NRXN1: variants seen among roughly 807,000 people sequenced by gnomAD.
The protein encoded by NRXN1 is neurexin-1.
Under a neutral mutation model 150.9 loss-of-function variants are expected in NRXN1, and 39 were observed. The observed-to-expected ratio is 0.26, with a 90% CI of 0.20 to 0.34. The LOEUF (loss-of-function observed/expected upper bound fraction) is 0.34. NRXN1 is among the 10% of genes least tolerant of loss of function. The pLI is 1.00. For synonymous variants in NRXN1, 924 were observed against 757.0 expected (o/e 1.22, Z -3.62); for missense variants, 1,815 against 1,949.9 (o/e 0.93, Z 1.30).
At chr2:50,490,764 C>T (rs975876622) in intron 15 of NRXN1, among the ~76,000 whole-genome samples, 6 of 151,952 alleles carry the variant, frequency 3.9e-5, no homozygotes, top group African/African-American at 9.7e-5. Flanking sequence ...CATGTGTATC[C>T]GAGGGAAAAA....
At chr2:50,698,364 G>A (rs932362259) in intron 5 of NRXN1, among the ~76,000 whole-genome samples, 2 of 152,206 alleles carry the variant, frequency 1.3e-5, no homozygotes, top group Non-Finnish European at 1.5e-5. Flanking sequence ...AAGATTGCCT[G>A]CAGAAGTAGT....
chr2:50,787,819 T>A (rs1174783651), intron 5 of NRXN1, among the ~76,000 whole-genome samples: 1 of 152,064 alleles, frequency 6.6e-6, no homozygotes, highest in Non-Finnish European at 1.5e-5. Flanking sequence ...AGGTAAGGAC[T>A]GCTTTTGGCA....
At chr2:50,904,975 G>A (rs1429026628) in intron 5 of NRXN1, among the ~76,000 whole-genome samples, 2 of 151,976 alleles carry the variant, frequency 1.3e-5, no homozygotes, top group Non-Finnish European at 2.9e-5. Context: ...CTACTCCAAT[G>A]TCTTCATTCA....
At chr2:50,125,588 C>A (rs924490124) in intron 18 of NRXN1, among the ~76,000 whole-genome samples, 1 of 151,992 alleles carries the variant, frequency 6.6e-6, no homozygotes, top group African/African-American at 2.4e-5. Context: ...AGATAAATCA[C>A]GTTTCCTTCC....
intron 2 of NRXN1, among the ~76,000 whole-genome samples, chr2:50,937,639 A>G (rs1296218637): frequency 6.6e-6 from 1 of 152,094 alleles, no homozygotes; most frequent in Non-Finnish European, 1.5e-5. Context: ...TTGTTTATGA[A>G]GTAGATGATG....
intron 5 of NRXN1, among the ~76,000 whole-genome samples, chr2:50,639,202 T>TTTTATTTC (rs1553916393): frequency 7.8e-6 from 1 of 127,930 alleles, no homozygotes; most frequent in East Asian, 2.4e-4. Flanking sequence ...TTTATCATTT[T>TTTTATTTC]TTTCTTTCTT....
intron 17 of NRXN1, among the ~76,000 whole-genome samples, chr2:50,457,814 TA>T (rs2087729247): frequency 6.6e-6 from 1 of 151,938 alleles, no homozygotes; most frequent in Non-Finnish European, 1.5e-5. Context: ...ATGGCTATTA[TA>T]AAAAAGACAT....
At chr2:50,115,924 T>C (rs142733565) in intron 18 of NRXN1, among the ~76,000 whole-genome samples, 101 of 152,258 alleles carry the variant, frequency 6.6e-4, no homozygotes, top group African/African-American at 2.2e-3. Context: ...TAATTTTTCA[T>C]AGGATCAGTC....
At chr2:50,368,503 A>G (rs544197408) in intron 17 of NRXN1, among the ~76,000 whole-genome samples, 4 of 152,102 alleles carry the variant, frequency 2.6e-5, no homozygotes, top group Non-Finnish European at 5.9e-5. Flanking sequence ...TAGTATCCAG[A>G]TCATGAGAGT....
At chr2:50,041,404 C>T (rs985237493) in intron 21 of NRXN1, among the ~76,000 whole-genome samples, 8 of 152,134 alleles carry the variant, frequency 5.3e-5, no homozygotes, top group East Asian at 1.9e-4. Flanking sequence ...TAAATATCAA[C>T]CTTATGCACA....
At chr2:50,378,387 T>A (rs537419491) in intron 17 of NRXN1, among the ~76,000 whole-genome samples, 1 of 152,186 alleles carries the variant, frequency 6.6e-6, no homozygotes, top group Non-Finnish European at 1.5e-5. Context: ...ACTTGATCTA[T>A]GGAACACAAT....
At chr2:49,948,944 C>A (rs1284193038) in intron 21 of NRXN1, among the ~76,000 whole-genome samples, 1 of 151,946 alleles carries the variant, frequency 6.6e-6, no homozygotes, top group Non-Finnish European at 1.5e-5. Flanking sequence ...CTATGCTGAT[C>A]TTCCTTAATT....
intron 5 of NRXN1, among the ~76,000 whole-genome samples, chr2:50,727,022 A>G (rs1402062601): frequency 1.3e-5 from 2 of 152,124 alleles, no homozygotes; most frequent in African/African-American, 4.8e-5. Context: ...TATTCTAAGT[A>G]TTTTAAAATG....
At chr2:50,699,092 C>T (rs1025338773) in intron 5 of NRXN1, among the ~76,000 whole-genome samples, 5 of 152,186 alleles carry the variant, frequency 3.3e-5, no homozygotes, top group Non-Finnish European at 7.3e-5. Flanking sequence ...ATGGTGCAGC[C>T]TGTATGTACC....
At chr2:50,356,887 G>A (rs865908855) in intron 17 of NRXN1, among the ~76,000 whole-genome samples, 1 of 151,944 alleles carries the variant, frequency 6.6e-6, no homozygotes, top group Non-Finnish European at 1.5e-5. Context: ...CCTTCAGATT[G>A]CTTTAGGCAC....
intron 17 of NRXN1, among the ~76,000 whole-genome samples, chr2:50,333,251 GC>G (rs1239336458): frequency 3.9e-5 from 6 of 152,294 alleles, no homozygotes; most frequent in Non-Finnish European, 7.3e-5. Flanking sequence ...TCCCAGCTCT[GC>G]CAGTTACAAA....
intron 18 of NRXN1, among the ~76,000 whole-genome samples, chr2:50,166,238 C>G (rs919549236): frequency 6.6e-6 from 1 of 150,616 alleles, no homozygotes; most frequent in African/African-American, 2.4e-5. Context: ...AAATCTGAAA[C>G]ATTTCTGGTC....
intron 5 of NRXN1, among the ~76,000 whole-genome samples, chr2:50,722,614 A>T (rs1696817431): frequency 6.6e-6 from 1 of 152,180 alleles, no homozygotes; most frequent in Admixed American, 6.5e-5. Flanking sequence ...TGGTTATATT[A>T]ATATAAAAAG....
At chr2:50,666,964 G>A (rs1196531583) in intron 5 of NRXN1, among the ~76,000 whole-genome samples, 2 of 151,618 alleles carry the variant, frequency 1.3e-5, no homozygotes, top group South Asian at 2.1e-4. Context: ...CACGCATGGC[G>A]TGGTGAGAGT....
Sources: allele counts gnomAD v4.1 joint callset (sites outside exome capture counted in the v4.1 genomes callset), GRCh38; gene constraint gnomAD v4.1.1; transcripts MANE v1.5; gene names NCBI Gene and HGNC (gene_info 2026-07-23, HGNC 2026-07-21).